Variants in CBFA2T2 observed in about 807,000 individuals in gnomAD.
CBFA2T2 encodes CBFA2/RUNX1 partner transcriptional co-repressor 2, also known as protein CBFA2T2.
A neutral mutation model predicts 62.2 loss-of-function variants in CBFA2T2; 11 were observed. That is an observed-to-expected ratio of 0.18 (90% CI 0.11 to 0.29). CBFA2T2 has a LOEUF of 0.29. CBFA2T2 is among the 10% of genes least tolerant of loss of function. The probability of loss-of-function intolerance (pLI) is 1.00; values close to 1 mark genes in which losing one functional copy is unlikely to be tolerated. For synonymous variants in CBFA2T2, 295 were observed against 287.5 expected, an observed-to-expected ratio of 1.03 and a Z score of -0.27; for missense variants, 592 against 774.1, an observed-to-expected ratio of 0.76 and a Z score of 2.79.
chr20:33,504,775 T>C (rs2011372671), intron 1 of CBFA2T2, among the ~76,000 whole-genome samples: 1 of 152,204 alleles, frequency 6.6e-6, no homozygotes, highest in Non-Finnish European at 1.5e-5. Context: ...GCATTTCCAC[T>C]ACTAATGTAT....
chr20:33,558,404 A>T (rs760870567), intron 1 of CBFA2T2, among the ~76,000 whole-genome samples: 1 of 152,098 alleles, frequency 6.6e-6, no homozygotes, highest in Non-Finnish European at 1.5e-5. Context: ...AGGCGCTGGG[A>T]CTATAGGTGT....
At chr20:33,519,875 G>A (rs2011682830) in intron 1 of CBFA2T2, among the ~76,000 whole-genome samples, 1 of 152,036 alleles carries the variant, frequency 6.6e-6, no homozygotes, top group African/African-American at 2.4e-5. Context: ...AGCCGGGCAC[G>A]GTGGCTCACG....
chr20:33,549,691 G>A (rs1202790331), intron 1 of CBFA2T2, among the ~76,000 whole-genome samples: 4 of 152,016 alleles, frequency 2.6e-5, no homozygotes, highest in African/African-American at 7.2e-5. Context: ...TCATTGACTT[G>A]TACACTGAAA....
rs2015511309 is a variant in CBFA2T2, at chr20:33,611,128, G to A, written c.213G>A (p.Leu71=). The A allele has an allele frequency of 6.2e-7, 1 of 1,614,118 alleles. No individual in the cohort carries two copies. The highest frequency in any genetic ancestry group is 8.5e-7 in the Non-Finnish European group (1 of 1,180,016). ...GCATCAACCATTCTCCTCCTACCCT[G>A]AATGGTGCCCCATCACCGCCACAGA... ...SNGINHSPPT[L]NGAPSPPQRF... is the part of the protein sequence containing the mutation. Residue 71 remains leucine, a synonymous_variant, in exon 3 of 11, where the codon CTG becomes CTA. Coordinates refer to ENST00000342704, the MANE Select transcript of CBFA2T2 (RefSeq NM_001032999.3).
intron 1 of CBFA2T2, among the ~76,000 whole-genome samples, chr20:33,536,765 C>T (rs1382171949): frequency 6.8e-6 from 1 of 147,716 alleles, no homozygotes; most frequent in African/African-American, 2.5e-5. Context: ...ACATCTCAGG[C>T]GATGGGCGGC....
chr20:33,601,498 C>T (rs2015131761), intron 1 of CBFA2T2, among the ~76,000 whole-genome samples: 1 of 151,264 alleles, frequency 6.6e-6, no homozygotes, highest in Admixed American at 6.6e-5. Flanking sequence ...CTCCTGGCCT[C>T]AGGTGATCCG....
intron 1 of CBFA2T2, among the ~76,000 whole-genome samples, chr20:33,599,191 G>A (rs2015017275): frequency 6.6e-6 from 1 of 152,086 alleles, no homozygotes. Context: ...GAACCCAGGA[G>A]GCGGAGGTTG....
chr20:33,572,653 GA>G (rs1327563534), intron 1 of CBFA2T2, among the ~76,000 whole-genome samples: 1 of 152,168 alleles, frequency 6.6e-6, no homozygotes, highest in Non-Finnish European at 1.5e-5. Context: ...TATGTTCAAA[GA>G]ATAGAAAAAT....
At chr20:33,564,009 G>C (rs931045915) in intron 1 of CBFA2T2, among the ~76,000 whole-genome samples, 1 of 152,124 alleles carries the variant, frequency 6.6e-6, no homozygotes, top group Non-Finnish European at 1.5e-5. Flanking sequence ...GCTTTGTGAC[G>C]ACACTGTTGA....
chr20:33,492,992 A>T (rs921827527), intron 1 of CBFA2T2, among the ~76,000 whole-genome samples: 1 of 148,808 alleles, frequency 6.7e-6, no homozygotes, highest in African/African-American at 2.5e-5. Flanking sequence ...ACCTCAAGTG[A>T]TCTGCCCGCC....
At chr20:33,538,805 T>C (rs532772551) in intron 1 of CBFA2T2, among the ~76,000 whole-genome samples, 2 of 152,342 alleles carry the variant, frequency 1.3e-5, no homozygotes, top group South Asian at 4.1e-4. Flanking sequence ...TTCAATTTTC[T>C]TTTGTTATCT....
intron 1 of CBFA2T2, among the ~76,000 whole-genome samples, chr20:33,524,766 T>G (rs986525997): frequency 6.6e-6 from 1 of 152,194 alleles, no homozygotes; most frequent in South Asian, 2.1e-4. Flanking sequence ...AAGGTATATT[T>G]TTTTGGTTAA....
At chr20:33,571,300 TTATTC>T (rs1321608386) in intron 1 of CBFA2T2, among the ~76,000 whole-genome samples, 1 of 152,228 alleles carries the variant, frequency 6.6e-6, no homozygotes, top group Non-Finnish European at 1.5e-5. Context: ...ATGTACTACT[TTATTC>T]TATTTTCTCA....
rs561712322 is a variant in CBFA2T2, at chr20:33,606,892, A to G, written c.35-64A>G. 3.9e-6 allele frequency: 6 copies of G among 1,532,116 alleles called. No homozygotes were observed. The African/African-American group carries it at 4.1e-5, about 10-fold the overall frequency. The allele number at this position is 1,532,116 out of a possible 1,614,324, so 94.9% of individuals were successfully genotyped here. On this transcript the variant is annotated intron_variant, in intron 1 of 10. Coordinates refer to ENST00000342704, the MANE Select transcript of CBFA2T2 (RefSeq NM_001032999.3). ...TCTAGGGAAGTATGTTGGTATTTCAAATTGTTGTCTGTTTTTGCAAACTTT... is the reference window on the plus strand; with the variant it reads ...TCTAGGGAAGTATGTTGGTATTTCAGATTGTTGTCTGTTTTTGCAAACTTT...
At position 33,497,064 on chromosome 20, in the gene CBFA2T2, G is replaced by A. The variant is rs754760224; in HGVS notation, c.34+6763G>A. On this transcript the variant is annotated intron_variant, in intron 1 of 10. Transcript: ENST00000342704. ...TGAGGCCGGCAGATCACCTGAGGTC[G>A]GGAGTTTGAGACCAGCCTGACCAAA... Among the ~76,000 whole-genome samples, 6 of 152,014 alleles carry A rather than the reference G, an allele frequency of 3.9e-5. No individual in the cohort carries two copies. In the East Asian group the frequency reaches 9.7e-4, roughly 25 times the overall value.
chr20:33,493,295 C>T (rs2011163107), intron 1 of CBFA2T2, among the ~76,000 whole-genome samples: 1 of 149,036 alleles, frequency 6.7e-6, no homozygotes, highest in South Asian at 2.1e-4. Context: ...AGGCTGGTCT[C>T]GAACGCCTGA....
chr20:33,535,350 C>T (rs2146872809), intron 1 of CBFA2T2, among the ~76,000 whole-genome samples: 1 of 151,848 alleles, frequency 6.6e-6, no homozygotes, highest in Non-Finnish European at 1.5e-5. Flanking sequence ...TTTGGCCACA[C>T]TGGGTCATAT....
In CBFA2T2 at chr20:33,611,084, T is replaced by C. The variant is rs762968240; in HGVS notation, c.179-10T>C. 6.2e-7 allele frequency: 1 copy of C among 1,613,038 alleles called. No individual in the cohort carries two copies. Among genetic ancestry groups the C allele is most frequent in the South Asian group, 1.1e-5 (1 of 91,056 alleles). ...CGTAACCTGAGTCTTTCATTTTGGC[T>C]TTCTTTTAGTAAGCAATGGCATCAA... On this transcript the variant is annotated splice_polypyrimidine_tract_variant and intron_variant, in intron 2 of 10. Coordinates refer to ENST00000342704, the MANE Select transcript of CBFA2T2 (RefSeq NM_001032999.3).
intron 1 of CBFA2T2, among the ~76,000 whole-genome samples, chr20:33,519,175 AT>A (rs2011662283): frequency 1.3e-5 from 2 of 152,196 alleles, no homozygotes; most frequent in Non-Finnish European, 2.9e-5. Flanking sequence ...AGGAAAAAAA[AT>A]ATACAGATTG....
Sources: gnomAD v4.1 joint callset for allele counts (sites outside exome capture counted in the v4.1 genomes callset) on GRCh38, gnomAD v4.1.1 for gene constraint, MANE v1.5 for transcripts, NCBI Gene and HGNC (gene_info 2026-07-23, HGNC 2026-07-21) for gene names.